The following DOCK3 variants were observed in gnomAD, a reference collection of about 807,000 sequenced individuals.
The protein encoded by DOCK3 is dedicator of cytokinesis protein 3.
DOCK3 carries 60 observed loss-of-function variants against 265.6 expected under a neutral mutation model. The ratio of observed to expected loss-of-function variants is 0.23; its 90% CI spans 0.18 to 0.28. The LOEUF (loss-of-function observed/expected upper bound fraction) is 0.28. Among genes scored for constraint, DOCK3 ranks in the 10% least tolerant of loss-of-function variants. DOCK3 has a pLI of 1.00. For missense variants in DOCK3, 1,981 were observed against 2,594.3 expected (o/e 0.76, Z 5.14); for synonymous variants, 881 against 938.0 (o/e 0.94, Z 1.11).
chr3:51,022,896 A>G (rs763914191), intron 5 of DOCK3, among the ~76,000 whole-genome samples: 7 of 152,220 alleles, frequency 4.6e-5, no homozygotes, highest in Non-Finnish European at 7.3e-5. Context: ...ATTCTTCTGC[A>G]TATGGTTAGT....
chr3:51,246,839 C>T (rs2108571171), intron 22 of DOCK3, 32 bp downstream of exon 22: 1 of 1,592,032 alleles, frequency 6.3e-7, no homozygotes, highest in Non-Finnish European at 8.6e-7. Context: ...ACATAAGAGA[C>T]CCACTCATGC....
Position 51,381,515 on chromosome 3 carries a change from G to C in DOCK3, c.6049G>C (p.Glu2017Gln). Residue 2017 changes from glutamate (E) to glutamine (Q), a missense_variant, in exon 53 of 53, where the codon GAG becomes CAG. Physicochemically the swap from Glu to Gln is conservative, Grantham distance 29. Coordinates refer to ENST00000266037, the MANE Select transcript of DOCK3 (RefSeq NM_004947.5). The surrounding 1 kb of genome is among the most constrained non-coding windows in gnomAD (Gnocchi z 5.6). The part of the protein sequence containing the change: ...APLPPGSAKE[E>Q]QARMAWEHGR... ...ATTGCCTCCTGGGAGCGCTAAGGAG[G>C]AGCAGGCCCGCATGGCCTGGGAGCA... The C allele has an allele frequency of 6.3e-7, 1 of 1,575,836 alleles. No individual in the cohort carries two copies. Among genetic ancestry groups the C allele is most frequent in the Non-Finnish European group, 8.6e-7 (1 of 1,162,290 alleles).
chr3:50,683,156 C>T (rs1168398118), intron 1 of DOCK3, among the ~76,000 whole-genome samples: 1 of 152,204 alleles, frequency 6.6e-6, no homozygotes, highest in Non-Finnish European at 1.5e-5. Flanking sequence ...TATAACAACT[C>T]TAGGTTTTAT....
At chr3:51,265,417 C>G (rs1292740172) in intron 23 of DOCK3, among the ~76,000 whole-genome samples, 2 of 152,154 alleles carry the variant, frequency 1.3e-5, no homozygotes, top group African/African-American at 2.4e-5. Flanking sequence ...TTTCAGGCCA[C>G]TATCCCTGAT....
chr3:51,254,406 A>G (rs1336474715), intron 22 of DOCK3, among the ~76,000 whole-genome samples: 4 of 152,206 alleles, frequency 2.6e-5, no homozygotes. Context: ...AGCTGAGTTC[A>G]GTTCCTGGAT....
At chr3:50,682,267 C>T (rs2034464115) in intron 1 of DOCK3, among the ~76,000 whole-genome samples, 1 of 152,182 alleles carries the variant, frequency 6.6e-6, no homozygotes, top group South Asian at 2.1e-4. Flanking sequence ...TACACTTTAG[C>T]CAAACTGAAC....
chr3:51,188,606 A>C (rs2087756007), intron 12 of DOCK3, among the ~76,000 whole-genome samples: 1 of 152,090 alleles, frequency 6.6e-6, no homozygotes, highest in South Asian at 2.1e-4. Context: ...CACTCTTCCC[A>C]GCTTCTGTTA....
At chr3:51,244,310 C>G (rs929087451) in intron 21 of DOCK3, among the ~76,000 whole-genome samples, 5 of 151,734 alleles carry the variant, frequency 3.3e-5, no homozygotes, top group Middle Eastern at 6.8e-3. Flanking sequence ...TCTTTAATAA[C>G]AATATTAAAC....
At chr3:50,793,589 C>G (rs776597839) in intron 2 of DOCK3, among the ~76,000 whole-genome samples, 1 of 152,032 alleles carries the variant, frequency 6.6e-6, no homozygotes, top group African/African-American at 2.4e-5. Context: ...AACTCCTGAT[C>G]TCACGTGATC....
intron 5 of DOCK3, among the ~76,000 whole-genome samples, chr3:50,957,252 A>G (rs895718594): frequency 6.6e-6 from 1 of 152,256 alleles, no homozygotes; most frequent in Non-Finnish European, 1.5e-5. Flanking sequence ...TACAGAAACA[A>G]TAGTTTTCTG....
chr3:50,839,781 T>C (rs1047556661), intron 2 of DOCK3, among the ~76,000 whole-genome samples: 1 of 113,930 alleles, frequency 8.8e-6, no homozygotes, highest in African/African-American at 3.1e-5. Context: ...CTCCTCTTCT[T>C]TTTTTGAGAT....
chr3:51,067,177 T>C (rs1353241493), intron 6 of DOCK3, among the ~76,000 whole-genome samples: 1 of 152,234 alleles, frequency 6.6e-6, no homozygotes, highest in African/African-American at 2.4e-5. Context: ...TAATTCATTA[T>C]GTTGCAGTTT....
chr3:50,869,342 ATTTT>A lies in DOCK3; in HGVS notation c.163-20639_163-20636del, dbSNP rs755531254. On this transcript the variant is annotated intron_variant, in intron 3 of 52. Transcript: ENST00000266037. ...TCAATTTTATTTATTTCTGCTGGGAATTTTTTTTTTTTTTTTTTTTTTTTTTTTT... is the reference window on the plus strand; with the variant it reads ...TCAATTTTATTTATTTCTGCTGGGAATTTTTTTTTTTTTTTTTTTTTTTTT... Among the ~76,000 whole-genome samples the A allele has an allele frequency of 5.7e-5, 4 of 70,106 alleles. 2 individuals are homozygous for A. Among genetic ancestry groups the A allele is most frequent in the East Asian group, 8.3e-4 (2 of 2,402 alleles). 46.0% of individuals were successfully genotyped at this position (70,106 alleles called of 152,430 possible).
chr3:50,685,790 C>G (rs553471840), intron 1 of DOCK3: 2 of 196,488 alleles, frequency 1.0e-5, no homozygotes, highest in Non-Finnish European at 2.3e-5. Flanking sequence ...CAAGGGCTGT[C>G]CATGGCCTAG....
chr3:51,208,975 C>G, intron 13 of DOCK3, 113 bp downstream of exon 13: 1 of 890,578 alleles, frequency 1.1e-6, no homozygotes, highest in Non-Finnish European at 1.7e-6. Flanking sequence ...GATATTTATT[C>G]TCCTGCCGAG....
chr3:50,928,653 ACTTTTTCCTT>A (rs779792668), intron 4 of DOCK3, among the ~76,000 whole-genome samples: 22 of 152,154 alleles, frequency 1.4e-4, no homozygotes, highest in Non-Finnish European at 2.4e-4. Flanking sequence ...TTTGTTTCAT[ACTTTTTCCTT>A]TCTGAAATGG....
At chr3:50,740,114 T>G (rs1576297358) in intron 1 of DOCK3, among the ~76,000 whole-genome samples, 1 of 152,182 alleles carries the variant, frequency 6.6e-6, no homozygotes, top group Admixed American at 6.5e-5. Context: ...TTGGTCATAC[T>G]GTATGTACTC....
chr3:51,029,381 C>T (rs2079949752), intron 5 of DOCK3, among the ~76,000 whole-genome samples: 1 of 152,196 alleles, frequency 6.6e-6, no homozygotes, highest in Admixed American at 6.5e-5. Flanking sequence ...GCATGAAAAG[C>T]TCTCTCTCAG....
At chr3:50,919,423 A>G (rs986302063) in intron 4 of DOCK3, among the ~76,000 whole-genome samples, 24 of 152,056 alleles carry the variant, frequency 1.6e-4, no homozygotes, top group African/African-American at 5.3e-4. Flanking sequence ...GTCCTCTTTT[A>G]TTTCGTTGAG....
Sources: gnomAD v4.1 joint callset for allele counts (sites outside exome capture counted in the v4.1 genomes callset) on GRCh38, gnomAD v4.1.1 for gene constraint, Gnocchi (gnomAD v3.1) non-coding constraint, MANE v1.5 for transcripts, NCBI Gene and HGNC (gene_info 2026-07-23, HGNC 2026-07-21) for gene names.